Variants in VPS53 observed in about 807,000 individuals in gnomAD.
VPS53 encodes the protein VPS53 subunit of GARP complex, also known as vacuolar protein sorting-associated protein 53 homolog.
Under a neutral mutation model 107.0 loss-of-function variants are expected in VPS53, and 70 were observed. The observed-to-expected ratio is 0.65, with a 90% confidence interval of 0.54 to 0.80. The LOEUF (loss-of-function observed/expected upper bound fraction) is 0.80, where lower values mean the gene tolerates loss of function less well. VPS53 is among the 30% of genes least tolerant of loss of function. The pLI, the probability that VPS53 is intolerant of heterozygous loss-of-function variation, is 0.00. For missense variants in VPS53, 917 were observed against 1,049.4 expected, an observed-to-expected ratio of 0.87 and a Z score of 1.74; for synonymous variants, 409 against 393.3, an observed-to-expected ratio of 1.04 and a Z score of -0.47.
At chr17:597,692 A>C (rs1327673523) in intron 12 of VPS53, among the ~76,000 whole-genome samples, 2 of 151,514 alleles carry the variant, frequency 1.3e-5, no homozygotes, top group Non-Finnish European at 2.9e-5. Flanking sequence ...ACAGGCATGC[A>C]CCACCACGCC....
chr17:689,237 C>A (rs148143700), intron 4 of VPS53, among the ~76,000 whole-genome samples: 22 of 152,236 alleles, frequency 1.4e-4, no homozygotes, highest in African/African-American at 5.1e-4. Flanking sequence ...AGTGAGCTGA[C>A]AATGACAAAT....
chr17:519,987 G>T lies in VPS53; in HGVS notation c.2224-57C>A. 2 of 1,268,500 alleles carry T rather than the reference G, an allele frequency of 1.6e-6. No individual in the cohort carries two copies. The highest frequency in any genetic ancestry group is 2.2e-6 in the Non-Finnish European group (2 of 891,230). 78.6% of individuals were successfully genotyped at this position (1,268,500 alleles called of 1,614,324 possible). On this transcript the variant is annotated intron_variant, in intron 20 of 21. Coordinates refer to ENST00000437048, the MANE Select transcript of VPS53 (RefSeq NM_001128159.3). This position sits in a 1 kb window ranked among gnomAD's most constrained non-coding sequence, Gnocchi z 5.0. Reference sequence around the variant, plus strand: ...CAGGAAAACTACCACCACGGGAGGAGACAGGAGCGGGCCCTCAAGAAAACT... The same window carrying T: ...CAGGAAAACTACCACCACGGGAGGATACAGGAGCGGGCCCTCAAGAAAACT...
At chr17:643,572 C>T (rs369199618) in intron 7 of VPS53, among the ~76,000 whole-genome samples, 6 of 124,380 alleles carry the variant, frequency 4.8e-5, no homozygotes, top group Admixed American at 1.6e-4. Flanking sequence ...TACTTGGAAA[C>T]CGAGGACAAC....
rs529938627 is a variant in VPS53, at chr17:624,754, T to G, written c.975-1080A>C. Reference sequence around the variant, plus strand: ...GCTGGTTTGCAAGTCTGCTGAACTGTAGGCTAAAAAGAATTAGCTAACAGT... The same window carrying G: ...GCTGGTTTGCAAGTCTGCTGAACTGGAGGCTAAAAAGAATTAGCTAACAGT... On this transcript the variant is annotated intron_variant, in intron 10 of 21. Coordinates refer to ENST00000437048, the MANE Select transcript of VPS53 (RefSeq NM_001128159.3). Among the ~76,000 whole-genome samples the G allele has an allele frequency of 1.0e-3, 153 of 152,310 alleles. 1 individual carries two copies. Among genetic ancestry groups the G allele is most frequent in the African/African-American group, 3.4e-3 (143 of 41,560 alleles).
chr17:576,263 C>G (rs967214195), intron 13 of VPS53, among the ~76,000 whole-genome samples: 1 of 151,916 alleles, frequency 6.6e-6, no homozygotes, highest in Non-Finnish European at 1.5e-5. Flanking sequence ...GCCTCATAAC[C>G]TAATGCGTTC....
chr17:686,078 G>C (rs898309807), intron 4 of VPS53, among the ~76,000 whole-genome samples: 7 of 151,912 alleles, frequency 4.6e-5, no homozygotes, highest in Non-Finnish European at 1.0e-4. Flanking sequence ...CAGCACTCTG[G>C]GAAGCGTAGG....
intron 7 of VPS53, among the ~76,000 whole-genome samples, chr17:633,861 G>A (rs969555404): frequency 5.3e-5 from 8 of 152,182 alleles, no homozygotes; most frequent in African/African-American, 1.9e-4. Context: ...ATGCGCACAC[G>A]AGGAGGCAGC....
intron 5 of VPS53, among the ~76,000 whole-genome samples, chr17:660,098 G>A (rs445268): frequency 0.35 from 52,748 of 151,964 alleles, 11,014 homozygotes; most frequent in Non-Finnish European, 0.47. Flanking sequence ...TGTTGCCCAC[G>A]GGCTGCGAAA....
chr17:661,805 T>G lies in VPS53; in HGVS notation c.372+4A>C. ...AAAAAGGTTAGGAAGAAACCAGAAC[T>G]CACCATTTGCTCTGATTTTTCAGCT... On this transcript the variant is annotated splice_donor_region_variant and intron_variant, in intron 5 of 21. Transcript: ENST00000437048. 6.4e-7 allele frequency: 1 copy of G among 1,551,928 alleles called. No individual in the cohort carries two copies. The highest frequency in any genetic ancestry group is 1.2e-5 in the South Asian group (1 of 84,006).
rs1442491938 is a variant in VPS53, at chr17:697,454, T to TA, written c.248dup (p.Arg84LysfsTer15). The TA allele has an allele frequency of 6.2e-7, 1 of 1,613,974 alleles. No individual in the cohort carries two copies. The highest frequency in any genetic ancestry group is 1.7e-5 in the Admixed American group (1 of 60,004). Reference sequence around the variant, plus strand: ...CCTGCCCCACGTTCGTCTGACCTCTTACAACAGTTCGAATATTGTCATCCA... The same window carrying TA: ...CCTGCCCCACGTTCGTCTGACCTCTTAACAACAGTTCGAATATTGTCATCCA... On this transcript the variant is annotated frameshift_variant, in exon 4 of 22. Transcript: ENST00000437048. LOFTEE classifies it high-confidence loss of function.
At position 642,794 on chromosome 17, in the gene VPS53, A is replaced by AAGGACAACACTCATACTTGGAAAGCG. The variant is rs1324460134; in HGVS notation, c.608+10471_608+10496dup. Among the ~76,000 whole-genome samples the AAGGACAACACTCATACTTGGAAAGCG allele has an allele frequency of 9.3e-4, 75 of 80,490 alleles. 1 individual carries two copies. Among genetic ancestry groups the AAGGACAACACTCATACTTGGAAAGCG allele is most frequent in the East Asian group, 2.3e-3 (4 of 1,712 alleles). The allele number at this position is 80,490 out of a possible 152,430, so 52.8% of individuals were successfully genotyped here. On this transcript the variant is annotated intron_variant, in intron 7 of 21. Transcript: ENST00000437048. ...AGGACAACACTCATACTTGGAAATC[A>AAGGACAACACTCATACTTGGAAAGCG]AGGACAACACTCATACTTGGAAAGC...
At chr17:548,364 C>A (rs1188528963) in intron 17 of VPS53, among the ~76,000 whole-genome samples, 1 of 151,148 alleles carries the variant, frequency 6.6e-6, no homozygotes, top group African/African-American at 2.4e-5. Flanking sequence ...CCACTTTGGC[C>A]AGCCAACAGT....
intron 7 of VPS53, among the ~76,000 whole-genome samples, chr17:637,866 T>C (rs974950987): frequency 2.6e-4 from 40 of 152,212 alleles, no homozygotes; most frequent in African/African-American, 7.7e-4. Context: ...ATAAGTGCGA[T>C]GTGGTGCTGA....
At chr17:613,008 A>C (rs1968965394) in intron 11 of VPS53, among the ~76,000 whole-genome samples, 1 of 150,528 alleles carries the variant, frequency 6.6e-6, no homozygotes, top group Non-Finnish European at 1.5e-5. Flanking sequence ...CACAGTGAAA[A>C]CCTGTACAGA....
intron 7 of VPS53, among the ~76,000 whole-genome samples, chr17:637,782 CA>C (rs1262887346): frequency 2.0e-5 from 3 of 152,162 alleles, no homozygotes; most frequent in Non-Finnish European, 4.4e-5. Context: ...GTCTGAGAGA[CA>C]GTTCGTTATA....
At chr17:680,844 G>C (rs761960513) in intron 4 of VPS53, among the ~76,000 whole-genome samples, 2 of 152,134 alleles carry the variant, frequency 1.3e-5, no homozygotes, top group Non-Finnish European at 2.9e-5. Flanking sequence ...AGAACAAACT[G>C]CCTGCCATTC....
intron 19 of VPS53, among the ~76,000 whole-genome samples, chr17:531,644 G>A (rs1399706459): frequency 6.6e-6 from 1 of 152,032 alleles, no homozygotes; most frequent in South Asian, 2.1e-4. Context: ...GACTACAGGT[G>A]TGGACCGTTT....
intron 7 of VPS53, among the ~76,000 whole-genome samples, chr17:633,690 C>T (rs1246230883): frequency 1.3e-5 from 2 of 152,130 alleles, no homozygotes; most frequent in Non-Finnish European, 2.9e-5. Flanking sequence ...TCAAGGAGGC[C>T]AGAATGATCC....
At chr17:573,304 TAAATA>T (rs538363597) in intron 13 of VPS53, among the ~76,000 whole-genome samples, 5 of 152,170 alleles carry the variant, frequency 3.3e-5, no homozygotes, top group Non-Finnish European at 7.4e-5. Context: ...TCTTTGAACA[TAAATA>T]AAAATTGAGA....
Sources: gnomAD v4.1 joint callset for allele counts (sites outside exome capture counted in the v4.1 genomes callset) on GRCh38, gnomAD v4.1.1 for gene constraint, Gnocchi (gnomAD v3.1) non-coding constraint, MANE v1.5 for transcripts, NCBI Gene and HGNC (gene_info 2026-07-23, HGNC 2026-07-21) for gene names.